Variants in NRG3 observed in about 807,000 individuals in gnomAD.
NRG3 encodes the protein neuregulin 3.
Under a neutral mutation model 66.9 loss-of-function variants are expected in NRG3, and 31 were observed. The ratio of observed to expected loss-of-function variants is 0.46; its 90% confidence interval spans 0.35 to 0.63. The LOEUF is 0.63. Among genes scored for constraint, NRG3 ranks in the 20% least tolerant of loss-of-function variants. NRG3 has a pLI of 0.00. For missense variants in NRG3, 910 were observed against 878.9 expected, an observed-to-expected ratio of 1.04 and a Z score of -0.45; for synonymous variants, 393 against 359.4, an observed-to-expected ratio of 1.09 and a Z score of -1.06.
intron 1 of NRG3, among the ~76,000 whole-genome samples, chr10:82,276,718 G>A (rs527935503): frequency 1.1e-3 from 171 of 152,098 alleles, no homozygotes; most frequent in Non-Finnish European, 1.8e-3. Context: ...GTGGACAAAT[G>A]TGTAATTCTT....
intron 4 of NRG3, among the ~76,000 whole-genome samples, chr10:82,887,578 A>G (rs946648104): frequency 3.3e-5 from 5 of 152,228 alleles, no homozygotes; most frequent in African/African-American, 1.2e-4. Context: ...ATTCATCTGA[A>G]GTATTTTGTG....
intron 2 of NRG3, among the ~76,000 whole-genome samples, chr10:82,634,483 A>C (rs891267078): frequency 2.0e-5 from 3 of 152,184 alleles, no homozygotes; most frequent in Non-Finnish European, 4.4e-5. Flanking sequence ...CTAGTTTCAC[A>C]ATAATTTGGG....
intron 2 of NRG3, among the ~76,000 whole-genome samples, chr10:82,395,458 C>T (rs1005234342): frequency 2.0e-5 from 3 of 152,170 alleles, no homozygotes; most frequent in Non-Finnish European, 4.4e-5. Flanking sequence ...GTAGACTGTC[C>T]ATATGTCAGG....
intron 2 of NRG3, among the ~76,000 whole-genome samples, chr10:82,522,336 C>T (rs934913368): frequency 7.2e-5 from 11 of 152,086 alleles, no homozygotes; most frequent in Non-Finnish European, 1.2e-4. Context: ...TGAGCCACTG[C>T]GCCTGGCCTC....
intron 2 of NRG3, among the ~76,000 whole-genome samples, chr10:82,664,383 C>T (rs766228150): frequency 7.9e-5 from 12 of 152,158 alleles, no homozygotes; most frequent in Non-Finnish European, 1.3e-4. Flanking sequence ...GAGACACACA[C>T]TTCCGAGACT....
intron 1 of NRG3, among the ~76,000 whole-genome samples, chr10:82,103,022 A>C (rs1206083496): frequency 6.6e-6 from 1 of 152,090 alleles, no homozygotes; most frequent in South Asian, 2.1e-4. Flanking sequence ...CTTTCAGAAC[A>C]TATTTATTCT....
At chr10:82,828,995 G>GT (rs1488176656) in intron 3 of NRG3, among the ~76,000 whole-genome samples, 1 of 152,136 alleles carries the variant, frequency 6.6e-6, no homozygotes, top group Non-Finnish European at 1.5e-5. Flanking sequence ...GAGAAAATGA[G>GT]TTTTTTTCTC....
At position 82,875,028 on chromosome 10, in the gene NRG3, A is replaced by G. The variant is rs569405360; in HGVS notation, c.1054+9591A>G. Among the ~76,000 whole-genome samples, 14 of 152,354 alleles carry G rather than the reference A, an allele frequency of 9.2e-5. 1 individual carries two copies. In the South Asian group the frequency reaches 2.9e-3, roughly 32 times the overall value. On this transcript the variant is annotated intron_variant, in intron 4 of 8. Transcript: ENST00000372141. ...TCCTGTTTATAGCTATATATTCAGAATTATAACTGCCAACAGTATAAAAAG... is the reference window on the plus strand; with the variant it reads ...TCCTGTTTATAGCTATATATTCAGAGTTATAACTGCCAACAGTATAAAAAG...
intron 2 of NRG3, among the ~76,000 whole-genome samples, chr10:82,509,303 G>T (rs1386427921): frequency 6.6e-6 from 1 of 152,130 alleles, no homozygotes; most frequent in African/African-American, 2.4e-5. Context: ...GTAGGGGTTT[G>T]TTATACAGAT....
intron 1 of NRG3, among the ~76,000 whole-genome samples, chr10:82,121,505 A>G (rs2068087106): frequency 6.6e-6 from 1 of 152,146 alleles, no homozygotes; most frequent in Non-Finnish European, 1.5e-5. Context: ...TTTTCTTCCC[A>G]ACACTCACTG....
chr10:82,124,045 G>A (rs1297826716), intron 1 of NRG3, among the ~76,000 whole-genome samples: 1 of 151,990 alleles, frequency 6.6e-6, no homozygotes, highest in Non-Finnish European at 1.5e-5. Flanking sequence ...CTATTGCGAT[G>A]TCATTTCAAG....
intron 2 of NRG3, among the ~76,000 whole-genome samples, chr10:82,730,870 C>T (rs2057865241): frequency 6.6e-6 from 1 of 152,100 alleles, no homozygotes; most frequent in Non-Finnish European, 1.5e-5. Context: ...GGCTGTAGAT[C>T]CTTAGCTAGA....
Position 82,352,151 on chromosome 10 carries a change from C to G in NRG3, c.824-6588C>G, listed in dbSNP as rs377049256. Among the ~76,000 whole-genome samples the G allele has an allele frequency of 1.6e-4, 24 of 152,294 alleles. No individual in the cohort carries two copies. In the East Asian group the frequency reaches 2.9e-3, roughly 18 times the overall value. On this transcript the variant is annotated intron_variant, in intron 1 of 8. Transcript: ENST00000372141. ...TATTTACTGAATAACTATTGGATAG[C>G]AGGTGATGAGTTAGTTATTAGGAAT...
At chr10:82,381,849 C>G (rs1401223129) in intron 2 of NRG3, among the ~76,000 whole-genome samples, 1 of 152,130 alleles carries the variant, frequency 6.6e-6, no homozygotes, top group Non-Finnish European at 1.5e-5. Flanking sequence ...AGCAAGGCCA[C>G]TACTGATGAA....
chr10:82,892,104 C>G (rs181731671), intron 4 of NRG3, among the ~76,000 whole-genome samples: 10 of 152,112 alleles, frequency 6.6e-5, no homozygotes, highest in African/African-American at 2.4e-4. Context: ...ATAAATTCAA[C>G]TTGGTTGGGA....
chr10:82,021,869 G>A (rs891245157), intron 1 of NRG3, among the ~76,000 whole-genome samples: 2 of 150,314 alleles, frequency 1.3e-5, no homozygotes, highest in African/African-American at 4.9e-5. Context: ...TGATTTGAAG[G>A]AATAATTTTA....
chr10:82,207,578 G>A (rs561156427), intron 1 of NRG3, among the ~76,000 whole-genome samples: 49 of 152,174 alleles, frequency 3.2e-4, no homozygotes, highest in Non-Finnish European at 4.7e-4. Flanking sequence ...CGTGTGTAGC[G>A]GTCCGTTCTC....
intron 2 of NRG3, among the ~76,000 whole-genome samples, chr10:82,405,756 C>T (rs2087471349): frequency 6.6e-6 from 1 of 152,230 alleles, no homozygotes. Flanking sequence ...GCGTGAGCCA[C>T]AGCGCCTAGC....
At chr10:82,522,224 A>G (rs1846262977) in intron 2 of NRG3, among the ~76,000 whole-genome samples, 1 of 151,672 alleles carries the variant, frequency 6.6e-6, no homozygotes, top group Admixed American at 6.6e-5. Context: ...TTGTATTTTT[A>G]GTAGAGAAGG....
Sources: gnomAD v4.1 joint callset for allele counts (sites outside exome capture counted in the v4.1 genomes callset) on GRCh38, gnomAD v4.1.1 for gene constraint, MANE v1.5 for transcripts, NCBI Gene and HGNC (gene_info 2026-07-23, HGNC 2026-07-21) for gene names.